The following SUPT5H variants were observed in gnomAD, a reference collection of about 807,000 sequenced individuals.
SUPT5H encodes the protein transcription elongation factor SPT5.
A neutral mutation model predicts 142.5 loss-of-function variants in SUPT5H; 24 were observed. The ratio of observed to expected loss-of-function variants is 0.17; its 90% CI spans 0.12 to 0.24. The LOEUF (loss-of-function observed/expected upper bound fraction) is 0.24. SUPT5H is among the 10% of genes least tolerant of loss of function. The pLI is 1.00. For missense variants in SUPT5H, 893 were observed against 1,471.8 expected, an observed-to-expected ratio of 0.61 and a Z score of 6.43; for synonymous variants, 546 against 553.0, an observed-to-expected ratio of 0.99 and a Z score of 0.18.
rs1390210722 is a variant in SUPT5H, at chr19:39,470,819, C to T, written c.1677+296C>T. ...TGTTGCTCGCTCAAGGATGGAGTGC[C>T]ACATGTGCCCTCCTGCCTTTGCTCC... On this transcript the variant is annotated intron_variant, in intron 18 of 29. Coordinates refer to ENST00000432763, the MANE Select transcript of SUPT5H (RefSeq NM_001111020.3). The surrounding 1 kb of genome is among the most constrained non-coding windows in gnomAD (Gnocchi z 5.8). Among the ~76,000 whole-genome samples, 1 of 152,156 alleles carries T rather than the reference C, an allele frequency of 6.6e-6. No homozygotes were observed. Among genetic ancestry groups the T allele is most frequent in the Non-Finnish European group, 1.5e-5 (1 of 68,026 alleles).
chr19:39,469,498 C>A lies in SUPT5H; in HGVS notation c.1374+100C>A. On this transcript the variant is annotated intron_variant, in intron 16 of 29. Coordinates refer to ENST00000432763, the MANE Select transcript of SUPT5H (RefSeq NM_001111020.3). This position sits in a 1 kb window ranked among gnomAD's most constrained non-coding sequence, Gnocchi z 5.1. ...GGTGTGCCTGGTGACACCTGGTTTCCAGGAGGGTAAGTTGAGGCCCTTCTA... is the reference window on the plus strand; with the variant it reads ...GGTGTGCCTGGTGACACCTGGTTTCAAGGAGGGTAAGTTGAGGCCCTTCTA... The A allele has an allele frequency of 6.5e-7, 1 of 1,550,068 alleles. No individual in the cohort carries two copies. Among genetic ancestry groups the A allele is most frequent in the Non-Finnish European group, 8.8e-7 (1 of 1,138,644 alleles).
Position 39,458,546 on chromosome 19 carries a change from G to C in SUPT5H, c.319+241G>C, listed in dbSNP as rs2079121486. On this transcript the variant is annotated intron_variant, in intron 5 of 29. Coordinates refer to ENST00000432763, the MANE Select transcript of SUPT5H (RefSeq NM_001111020.3). This position sits in a 1 kb window ranked among gnomAD's most constrained non-coding sequence, Gnocchi z 4.2. ...GCATTTGTGGGTGGTAGCGATGTGT[G>C]GGGTGGGGTGCAGTCCAGGGTGTGC... 2 of 814,708 alleles carry C rather than the reference G, an allele frequency of 2.5e-6. No individual in the cohort carries two copies. Among genetic ancestry groups the C allele is most frequent in the Admixed American group, 2.7e-5 (1 of 36,918 alleles). 50.5% of individuals were successfully genotyped at this position (814,708 alleles called of 1,614,324 possible). A position where few individuals can be genotyped will look rare whatever the true frequency, so the allele number is the denominator to read the frequency against.
chr19:39,469,409 G>A lies in SUPT5H; in HGVS notation c.1374+11G>A, dbSNP rs1195506704. On this transcript the variant is annotated intron_variant, in intron 16 of 29. Transcript: ENST00000432763. This position sits in a 1 kb window ranked among gnomAD's most constrained non-coding sequence, Gnocchi z 5.1. ...CATGAGGACCTCAAGGTGGGTGCCC[G>A]GTGTTCTCGGGCAGGGGTTGGAGTG... The A allele has an allele frequency of 1.2e-6, 2 of 1,614,158 alleles. No individual in the cohort carries two copies. Among genetic ancestry groups the A allele is most frequent in the Admixed American group, 1.7e-5 (1 of 60,020 alleles).
chr19:39,471,393 C>T lies in SUPT5H; in HGVS notation c.1714C>T (p.His572Tyr), dbSNP rs753808770. ...NMYGKVVTVRHQAVTRKKDNR... is the reference protein window; with the variant it reads ...NMYGKVVTVRYQAVTRKKDNR... ...GTACGGGAAGGTGGTGACTGTCAGA[C>T]ATCAGGCTGTGACCCGGAAGAAGGA... Residue 572 changes from histidine to tyrosine, a missense_variant, in exon 19 of 30, where the codon CAT becomes TAT. Around this residue, in one of 6 missense-constraint regions of SUPT5H, gnomAD observed 428 missense variants for 763.5 expected, o/e 0.56. Transcript: ENST00000432763. 6.2e-7 allele frequency: 1 copy of T among 1,614,242 alleles called. No individual in the cohort carries two copies. Among genetic ancestry groups the T allele is most frequent in the Admixed American group, 1.7e-5 (1 of 60,026 alleles).
At chr19:39,455,868 AC>A (rs1181487610) in intron 3 of SUPT5H, among the ~76,000 whole-genome samples, 1 of 122,696 alleles carries the variant, frequency 8.2e-6, no homozygotes, top group Non-Finnish European at 1.7e-5. Context: ...TGATCCACCC[AC>A]CTTGGCCTCC....
intron 2 of SUPT5H, 27 bp from the exon 3 acceptor site, chr19:39,453,329 T>C (rs370404715): frequency 4.0e-5 from 62 of 1,560,682 alleles, no homozygotes; most frequent in Non-Finnish European, 5.3e-5. Flanking sequence ...AGAATTCTGG[T>C]GCTACAACCC....
intron 10 of SUPT5H, among the ~76,000 whole-genome samples, chr19:39,463,985 CTTT>C (rs56190970): frequency 2.9e-5 from 4 of 135,992 alleles, no homozygotes; most frequent in Non-Finnish European, 4.7e-5. Context: ...CTTCTAGTTG[CTTT>C]TTTTTTTTTT....
rs1324371156 is a variant in SUPT5H at position 39,459,000 on chromosome 19, T to C, written c.390-5T>C. The C allele has an allele frequency of 6.2e-7, 1 of 1,614,064 alleles. No homozygotes were observed. The highest frequency in any genetic ancestry group is 1.1e-5 in the South Asian group (1 of 91,078). ...TTCGTGTTTGCTTCCCCACTCGTGC[T>C]CCAGGGACCAGCGAGAAGAAGAACT... is the stretch of plus-strand genomic sequence containing the variant. On this transcript the variant is annotated splice_region_variant and splice_polypyrimidine_tract_variant and intron_variant, in intron 6 of 29. Transcript: ENST00000432763. This position sits in a 1 kb window ranked among gnomAD's most constrained non-coding sequence, Gnocchi z 4.2.
intron 3 of SUPT5H, among the ~76,000 whole-genome samples, chr19:39,456,942 T>A (rs4803240): frequency 0.6 from 91,124 of 152,112 alleles, 28,091 homozygotes; most frequent in African/African-American, 0.74. Context: ...TTACTGAGAT[T>A]CTAGGGGTTA....
In SUPT5H at chr19:39,458,320, AGT is replaced by A. The variant is rs1344716775; in HGVS notation, c.319+19_319+20del. The A allele has an allele frequency of 6.7e-7, 1 of 1,502,664 alleles. No individual in the cohort carries two copies. Among genetic ancestry groups the A allele is most frequent in the African/African-American group, 1.4e-5 (1 of 71,776 alleles). 93.1% of individuals were successfully genotyped at this position (1,502,664 alleles called of 1,614,324 possible). On this transcript the variant is annotated intron_variant, in intron 5 of 29. Transcript: ENST00000432763. The surrounding 1 kb of genome is among the most constrained non-coding windows in gnomAD (Gnocchi z 4.2). Reference sequence around the variant, plus strand: ...AGAGATTGAAGGTAAGAATATGAAAAGTGTGATTCCCTGACCTTCCTCCCATA... The same window carrying A: ...AGAGATTGAAGGTAAGAATATGAAAAGTGATTCCCTGACCTTCCTCCCATA...
intron 2 of SUPT5H, among the ~76,000 whole-genome samples, chr19:39,453,028 A>G (rs1350625458): frequency 2.1e-4 from 30 of 141,272 alleles, no homozygotes; most frequent in Admixed American, 3.6e-4. Flanking sequence ...AAAAAAAAAA[A>G]AGAGAGAGAA....
chr19:39,461,832 A>AT (rs1190530790), intron 10 of SUPT5H, among the ~76,000 whole-genome samples: 63 of 149,194 alleles, frequency 4.2e-4, no homozygotes, highest in African/African-American at 1.6e-3. Flanking sequence ...AAAAAAAAAA[A>AT]AAAAAAAATA....
At chr19:39,449,646 G>T (rs1330735252) in intron 2 of SUPT5H, among the ~76,000 whole-genome samples, 19 of 149,886 alleles carry the variant, frequency 1.3e-4, no homozygotes, top group South Asian at 8.5e-4. Context: ...AGGTTAGTTT[G>T]GTTTTTTTTT....
At position 39,464,783 on chromosome 19, in the gene SUPT5H, C is replaced by T. The variant is rs200182397; in HGVS notation, c.625-15C>T. ...GTGTCTCACTGTTTCCTCCTTCCAC[C>T]GGCTCACCCTGCAGCCCCTGCAGAT... On this transcript the variant is annotated splice_polypyrimidine_tract_variant and intron_variant, in intron 10 of 29. Coordinates refer to ENST00000432763, the MANE Select transcript of SUPT5H (RefSeq NM_001111020.3). 2.3e-5 allele frequency: 36 copies of T among 1,583,144 alleles called. No individual in the cohort carries two copies. Among genetic ancestry groups the T allele is most frequent in the East Asian group, 4.5e-5 (2 of 44,308 alleles).
Position 39,476,412 on chromosome 19 carries a change from C to G in SUPT5H, c.*13C>G, listed in dbSNP as rs370377623. The G allele has an allele frequency of 8.6e-5, 138 of 1,613,670 alleles. No individual in the cohort carries two copies. Among genetic ancestry groups the G allele is most frequent in the Non-Finnish European group, 1.1e-4 (135 of 1,180,004 alleles). ...CCTGGAAGCCTGAAGCAGGCAGGGCCGGTGGACTTCGTCGGATGAAGAGTG... is the reference window on the plus strand; with the variant it reads ...CCTGGAAGCCTGAAGCAGGCAGGGCGGGTGGACTTCGTCGGATGAAGAGTG... On this transcript the variant is annotated 3_prime_UTR_variant, in exon 30 of 30. Coordinates refer to ENST00000432763, the MANE Select transcript of SUPT5H (RefSeq NM_001111020.3).
Position 39,458,422 on chromosome 19 carries a change from G to A in SUPT5H, c.319+117G>A. 1 of 1,549,926 alleles carries A rather than the reference G, an allele frequency of 6.5e-7. No individual in the cohort carries two copies. Among genetic ancestry groups the A allele is most frequent in the Admixed American group, 1.8e-5 (1 of 54,876 alleles). On this transcript the variant is annotated intron_variant, in intron 5 of 29. Coordinates refer to ENST00000432763, the MANE Select transcript of SUPT5H (RefSeq NM_001111020.3). The surrounding 1 kb of genome is among the most constrained non-coding windows in gnomAD (Gnocchi z 4.2). The stretch of plus-strand genomic sequence containing the variant: ...CCACCAGCCCCGGTCTGGCCCTGAG[G>A]GCTCTGACCCATGTAGGATCCAGAG...
Position 39,476,483 on chromosome 19 carries a change from T to A in SUPT5H, c.*84T>A, listed in dbSNP as rs1205302902. The A allele has an allele frequency of 6.5e-7, 1 of 1,546,202 alleles. No individual in the cohort carries two copies. Among genetic ancestry groups the A allele is most frequent in the African/African-American group, 1.4e-5 (1 of 73,338 alleles). On this transcript the variant is annotated 3_prime_UTR_variant, in exon 30 of 30. Transcript: ENST00000432763. ...CCTTGGCTGTGACACAAGATCCTCC[T>A]GCAGGGCTAGGCGGATTGTTCTGGA...
In SUPT5H at chr19:39,474,079, T is replaced by G; in HGVS notation, c.2609T>G (p.Val870Gly). 1.2e-6 allele frequency: 2 copies of G among 1,606,036 alleles called. No homozygotes were observed. The highest frequency in any genetic ancestry group is 1.7e-6 in the Non-Finnish European group (2 of 1,175,790). The change falls in exon 26 of 30, where the codon GTC becomes GGC. Residue 870 changes from valine to glycine, a missense_variant. This residue lies in a region of SUPT5H where 336 missense variants were observed against 546.5 expected (regional missense o/e 0.61). Transcript: ENST00000432763. This position sits in a 1 kb window ranked among gnomAD's most constrained non-coding sequence, Gnocchi z 6.5. ...PGYPDPSSPQ[V>G]NPQYNPQTPG... ...TACCCAGACCCCTCGTCCCCACAGG[T>G]CAACCCACAATACAACCCGCAGACG...
In SUPT5H at chr19:39,472,564, C is replaced by T. The variant is rs1018199355; in HGVS notation, c.2035+71C>T. 6.5e-7 allele frequency: 1 copy of T among 1,549,552 alleles called. No homozygotes were observed. Among genetic ancestry groups the T allele is most frequent in the Non-Finnish European group, 8.9e-7 (1 of 1,126,500 alleles). On this transcript the variant is annotated intron_variant, in intron 21 of 29. Coordinates refer to ENST00000432763, the MANE Select transcript of SUPT5H (RefSeq NM_001111020.3). The surrounding 1 kb of genome is among the most constrained non-coding windows in gnomAD (Gnocchi z 4.2). ...GGAAGGAACTTGGTTGTTCAGCCTA[C>T]ACTCACTGAGTGCCTGTGCTGGGCT...
Sources: allele counts gnomAD v4.1 joint callset (sites outside exome capture counted in the v4.1 genomes callset), GRCh38; gene constraint gnomAD v4.1.1; regional missense constraint gnomAD v4.1.1; non-coding constraint Gnocchi (gnomAD v3.1); transcripts MANE v1.5; gene names NCBI Gene and HGNC (gene_info 2026-07-23, HGNC 2026-07-21).